The following ABCB7 variants were observed in gnomAD, a reference collection of about 807,000 sequenced individuals.
ABCB7 encodes ATP binding cassette subfamily B member 7.
ABCB7 carries 7 observed loss-of-function variants against 54.4 expected under a neutral mutation model. That is an observed-to-expected ratio of 0.13 (90% CI 0.07 to 0.24). The LOEUF (loss-of-function observed/expected upper bound fraction) is 0.24, where lower values mean the gene tolerates loss of function less well. ABCB7 is among the 10% of genes least tolerant of loss of function. The probability of loss-of-function intolerance (pLI) is 1.00; values close to 1 mark genes in which losing one functional copy is unlikely to be tolerated. For synonymous variants in ABCB7, 218 were observed against 207.1 expected (o/e 1.05, Z -0.45); for missense variants, 356 against 570.4 (o/e 0.62, Z 3.83).
At position 75,090,853 on chromosome X, in the gene ABCB7, T is replaced by C. The variant is rs146913178; in HGVS notation, c.453+8089A>G. Among the ~76,000 whole-genome samples, 1,050 of 111,274 alleles carry C rather than the reference T, an allele frequency of 9.4e-3. 16 individuals are homozygous for C. The highest frequency in any genetic ancestry group is 0.032 in the African/African-American group (982 of 30,843). On this transcript the variant is annotated intron_variant, in intron 4 of 15. Coordinates refer to ENST00000373394, the MANE Select transcript of ABCB7 (RefSeq NM_001271696.3). ...TGAGGGATAGTATGAGCAACTCTAG[T>C]CCAACAAATTTGATAACTTAGATGA...
At chrX:75,068,545 T>C (rs982018975) in intron 12 of ABCB7, among the ~76,000 whole-genome samples, 1 of 112,510 alleles carries the variant, frequency 8.9e-6, no homozygotes, top group Non-Finnish European at 1.9e-5. Flanking sequence ...AGCTACTTTG[T>C]AATTATTATA....
At chrX:75,074,554 G>A (rs966822786) in intron 6 of ABCB7, among the ~76,000 whole-genome samples, 1 of 111,781 alleles carries the variant, frequency 8.9e-6, no homozygotes, top group Non-Finnish European at 1.9e-5. Context: ...ATACAAATGC[G>A]TATGTTCATT....
intron 4 of ABCB7, among the ~76,000 whole-genome samples, chrX:75,095,184 CTA>C (rs1403734179): frequency 9.0e-6 from 1 of 111,557 alleles, no homozygotes; most frequent in Non-Finnish European, 1.9e-5. Flanking sequence ...TCTTTCTCAT[CTA>C]TGTTTCGTGC....
Position 75,114,774 on chromosome X carries a change from G to T in ABCB7, c.226C>A (p.Gln76Lys). 1.7e-6 allele frequency: 2 copies of T among 1,200,619 alleles called. No homozygotes were observed. The highest frequency in any genetic ancestry group is 2.3e-6 in the Non-Finnish European group (2 of 888,276). The change falls in exon 2 of 16, where the codon CAG (glutamine) becomes AAG (lysine). Residue 76 changes from glutamine to lysine, a missense_variant. By Grantham distance (53) the Gln-to-Lys change is moderately conservative. Coordinates refer to ENST00000373394, the MANE Select transcript of ABCB7 (RefSeq NM_001271696.3). ...CTTACCTTTGCAGCATCTAAGAACTGTCCTGAATTGCCTTTTCCCAATCTC... is the reference window on the plus strand; with the variant it reads ...CTTACCTTTGCAGCATCTAAGAACTTTCCTGAATTGCCTTTTCCCAATCTC... ...WQRLGKGNSG[Q>K]FLDAAKALQV...
chrX:75,068,331 G>T (rs976777085), intron 12 of ABCB7, among the ~76,000 whole-genome samples: 2 of 111,600 alleles, frequency 1.8e-5, no homozygotes, highest in Non-Finnish European at 3.8e-5. Flanking sequence ...TAATTCCCAG[G>T]TCTCTCTATA....
chrX:75,138,190 G>T (rs1267712397), intron 1 of ABCB7, among the ~76,000 whole-genome samples: 2 of 105,554 alleles, frequency 1.9e-5, no homozygotes, highest in African/African-American at 3.5e-5. Context: ...GTTAACAAGT[G>T]TTGACAAGGA....
chrX:75,151,554 T>G (rs771554622), intron 1 of ABCB7, among the ~76,000 whole-genome samples: 1 of 111,997 alleles, frequency 8.9e-6, no homozygotes, highest in Non-Finnish European at 1.9e-5. Context: ...CATTAAAAAT[T>G]CATGTGAACA....
intron 1 of ABCB7, among the ~76,000 whole-genome samples, chrX:75,121,211 C>T (rs1314662129): frequency 3.7e-5 from 4 of 108,175 alleles, no homozygotes; most frequent in Non-Finnish European, 5.8e-5. Flanking sequence ...ATCACTTTAA[C>T]CCAGGAGGCG....
At chrX:75,093,141 G>A (rs2081558601) in intron 4 of ABCB7, among the ~76,000 whole-genome samples, 1 of 111,591 alleles carries the variant, frequency 9.0e-6, no homozygotes, top group Non-Finnish European at 1.9e-5. Context: ...TATTAATGAC[G>A]GCCAAAATCT....
chrX:75,073,216 A>C (rs140184371), intron 8 of ABCB7, among the ~76,000 whole-genome samples: 60 of 112,114 alleles, frequency 5.4e-4, no homozygotes, highest in African/African-American at 1.9e-3. Context: ...TAAACGTGTA[A>C]AAATACATAT....
intron 1 of ABCB7, among the ~76,000 whole-genome samples, chrX:75,139,678 A>G (rs999457979): frequency 8.9e-6 from 1 of 112,387 alleles, no homozygotes; most frequent in South Asian, 3.7e-4. Context: ...TGGATTCTTT[A>G]TATCTGCCAT....
intron 3 of ABCB7, among the ~76,000 whole-genome samples, chrX:75,107,785 G>A (rs1362936740): frequency 9.0e-6 from 1 of 111,201 alleles, no homozygotes; most frequent in Non-Finnish European, 1.9e-5. Flanking sequence ...TGGTGGCTAG[G>A]TGCGAAGCTC....
At chrX:75,120,580 C>G (rs780594992) in intron 1 of ABCB7, among the ~76,000 whole-genome samples, 1 of 109,352 alleles carries the variant, frequency 9.1e-6, no homozygotes, top group African/African-American at 3.3e-5. Flanking sequence ...CCAGCCTGGG[C>G]AACAGAGTGA....
chrX:75,135,665 T>C (rs1293654833), intron 1 of ABCB7, among the ~76,000 whole-genome samples: 2 of 112,000 alleles, frequency 1.8e-5, no homozygotes, highest in Non-Finnish European at 3.8e-5. Flanking sequence ...GATGTAAGTT[T>C]GGTTCAACAT....
In ABCB7 at chrX:75,053,561, G is replaced by T; in HGVS notation, c.2068C>A (p.His690Asn). ...TGAGGGTTAGCAAGCAAACCATGGT[G>T]GGTACCACGTTCGGCTACCTTACCC... ...DQGKVAERGT[H>N]HGLLANPHSI... Residue 690 changes from histidine (H) to asparagine (N), a missense_variant, in exon 16 of 16, where the codon CAC becomes AAC. Around this residue, in one of 2 missense-constraint regions of ABCB7, gnomAD observed 241 missense variants for 470.9 expected, o/e 0.51. Transcript: ENST00000373394. 8.4e-7 allele frequency: 1 copy of T among 1,194,777 alleles called. No homozygotes were observed. Among genetic ancestry groups the T allele is most frequent in the East Asian group, 3.0e-5 (1 of 33,279 alleles).
chrX:75,088,579 A>G (rs1602358696), intron 4 of ABCB7, among the ~76,000 whole-genome samples: 2 of 111,883 alleles, frequency 1.8e-5, no homozygotes, highest in Middle Eastern at 9.3e-3. Flanking sequence ...GTGAGCTTGA[A>G]GACGTATGTC....
intron 1 of ABCB7, among the ~76,000 whole-genome samples, chrX:75,128,944 G>C (rs2081954793): frequency 8.9e-6 from 1 of 111,749 alleles, no homozygotes; most frequent in African/African-American, 3.3e-5. Context: ...AGTCAGGAAA[G>C]AACAGATGCT....
At chrX:75,098,630 T>A (rs1456342689) in intron 4 of ABCB7, among the ~76,000 whole-genome samples, 1 of 111,587 alleles carries the variant, frequency 9.0e-6, no homozygotes, top group African/African-American at 3.3e-5. Context: ...ATATGTATTA[T>A]TTCGGAGCCA....
At chrX:75,116,553 T>C (rs1334733425) in intron 1 of ABCB7, among the ~76,000 whole-genome samples, 1 of 111,606 alleles carries the variant, frequency 9.0e-6, no homozygotes, top group Non-Finnish European at 1.9e-5. Context: ...AAAGACTCTC[T>C]CCATGTGAAA....
Sources: allele counts gnomAD v4.1 joint callset (sites outside exome capture counted in the v4.1 genomes callset), GRCh38; gene constraint gnomAD v4.1.1; regional missense constraint gnomAD v4.1.1; transcripts MANE v1.5; gene names NCBI Gene and HGNC (gene_info 2026-07-23, HGNC 2026-07-21).